The following ACTR3B variants were observed in gnomAD, a reference collection of about 807,000 sequenced individuals.
ACTR3B encodes the protein actin-related protein 3B.
A neutral mutation model predicts 59.0 loss-of-function variants in ACTR3B; 8 were observed. The ratio of observed to expected loss-of-function variants is 0.14; its 90% CI spans 0.08 to 0.24. ACTR3B has a LOEUF of 0.24. Ranked by LOEUF, ACTR3B falls within the 10% of genes least tolerant of loss-of-function variation. The pLI, the probability that ACTR3B is intolerant of heterozygous loss-of-function variation, is 1.00. For synonymous variants in ACTR3B, 148 were observed against 197.9 expected (o/e 0.75, Z 2.12); for missense variants, 245 against 552.3 (o/e 0.44, Z 5.58).
chr7:152,811,919 C>T (rs1303139136), intron 4 of ACTR3B: 1 of 137,210 alleles, frequency 7.3e-6, no homozygotes, highest in Non-Finnish European at 1.6e-5. Flanking sequence ...TCTTTACACT[C>T]TCTCCTTCTT....
At chr7:152,793,107 G>A (rs1255977107) in intron 2 of ACTR3B, among the ~76,000 whole-genome samples, 1 of 86,726 alleles carries the variant, frequency 1.2e-5, no homozygotes, top group African/African-American at 4.5e-5. Flanking sequence ...GTTTTGTTTT[G>A]TTTCGGGTTA....
intron 9 of ACTR3B, among the ~76,000 whole-genome samples, chr7:152,837,811 T>A (rs1797588192): frequency 6.6e-6 from 1 of 152,124 alleles, no homozygotes. Context: ...TGTGGTTTGC[T>A]CTCTAATTTA....
intron 1 of ACTR3B, among the ~76,000 whole-genome samples, chr7:152,767,290 T>C (rs907766336): frequency 6.6e-6 from 1 of 152,198 alleles, no homozygotes; most frequent in African/African-American, 2.4e-5. Flanking sequence ...TATCATATGC[T>C]GCATTTGTCT....
intron 9 of ACTR3B, among the ~76,000 whole-genome samples, chr7:152,832,768 A>G (rs1368929716): frequency 6.6e-6 from 1 of 152,184 alleles, no homozygotes; most frequent in Non-Finnish European, 1.5e-5. Flanking sequence ...ACTCAGGCAG[A>G]ATTCCTTCTC....
In ACTR3B at chr7:152,797,143, A is replaced by C. The variant is rs545629705; in HGVS notation, c.101-3388A>C. Among the ~76,000 whole-genome samples the C allele has an allele frequency of 2.6e-5, 4 of 152,236 alleles. No homozygotes were observed. In the South Asian group the frequency reaches 8.3e-4, roughly 32 times the overall value. The stretch of plus-strand genomic sequence containing the variant: ...GGTCTCACTCTGTTGCACAGGCTGG[A>C]GTGCAGTGGGGCTATCATAGCTCAT... On this transcript the variant is annotated intron_variant, in intron 2 of 11. Coordinates refer to ENST00000256001, the MANE Select transcript of ACTR3B (RefSeq NM_020445.6).
chr7:152,827,699 C>T (rs866056688), intron 9 of ACTR3B, among the ~76,000 whole-genome samples: 1,948 of 150,964 alleles, frequency 0.013, 13 homozygotes, highest in African/African-American at 0.031. Context: ...CGGGCCGTCA[C>T]GTGGGCCAGC....
chr7:152,776,729 C>G (rs902549453), intron 1 of ACTR3B, among the ~76,000 whole-genome samples: 9 of 152,370 alleles, frequency 5.9e-5, no homozygotes, highest in African/African-American at 1.9e-4. Flanking sequence ...GATGAAGAAA[C>G]CAAGGAATGA....
At chr7:152,819,928 A>C (rs571819588) in intron 6 of ACTR3B, among the ~76,000 whole-genome samples, 47 of 152,330 alleles carry the variant, frequency 3.1e-4, no homozygotes, top group African/African-American at 1.1e-3. Context: ...ACAATTTATA[A>C]ATAAAACTTT....
At chr7:152,845,903 T>C (rs1411068047) in intron 9 of ACTR3B, among the ~76,000 whole-genome samples, 1 of 152,266 alleles carries the variant, frequency 6.6e-6, no homozygotes, top group Non-Finnish European at 1.5e-5. Context: ...TTTATTTATT[T>C]ATTTTTAGTG....
chr7:152,795,843 C>CG (rs1563101211), intron 2 of ACTR3B, among the ~76,000 whole-genome samples: 2 of 139,350 alleles, frequency 1.4e-5, no homozygotes. Flanking sequence ...CTTAGTAGCT[C>CG]TTGTTTTTTT....
intron 5 of ACTR3B, among the ~76,000 whole-genome samples, chr7:152,814,913 T>C (rs947362360): frequency 5.3e-4 from 80 of 152,304 alleles, no homozygotes; most frequent in African/African-American, 4.3e-4. Context: ...TGACAAGATA[T>C]AGGTGTAGAT....
At chr7:152,796,151 G>T (rs1476889885) in intron 2 of ACTR3B, among the ~76,000 whole-genome samples, 1 of 152,094 alleles carries the variant, frequency 6.6e-6, no homozygotes, top group Non-Finnish European at 1.5e-5. Flanking sequence ...GGCCTTAGCA[G>T]CTCTTTCTAA....
At chr7:152,762,305 G>C (rs2098091993) in intron 1 of ACTR3B, among the ~76,000 whole-genome samples, 2 of 152,078 alleles carry the variant, frequency 1.3e-5, no homozygotes, top group Non-Finnish European at 2.9e-5. Flanking sequence ...TCACAACTCC[G>C]GTCTCACTTC....
At chr7:152,843,368 T>C (rs1322766679) in intron 9 of ACTR3B, among the ~76,000 whole-genome samples, 6 of 152,276 alleles carry the variant, frequency 3.9e-5, no homozygotes, top group Non-Finnish European at 7.3e-5. Context: ...GTATATGAAA[T>C]GAGAAAGTAA....
intron 9 of ACTR3B, among the ~76,000 whole-genome samples, chr7:152,851,251 T>C (rs2117018121): frequency 6.6e-6 from 1 of 152,342 alleles, no homozygotes; most frequent in Non-Finnish European, 1.5e-5. Flanking sequence ...AAATGTGGTC[T>C]CTCTCTGTCT....
intron 2 of ACTR3B, among the ~76,000 whole-genome samples, chr7:152,787,823 AT>A (rs972820307): frequency 2.7e-5 from 4 of 149,788 alleles, no homozygotes; most frequent in Non-Finnish European, 5.9e-5. Flanking sequence ...ATTCCTACTC[AT>A]TTTTTTTCTC....
chr7:152,773,762 T>A (rs1414006219), intron 1 of ACTR3B, among the ~76,000 whole-genome samples: 1 of 152,224 alleles, frequency 6.6e-6, no homozygotes, highest in East Asian at 1.9e-4. Flanking sequence ...ACCCTGCCAG[T>A]TAACTGTGGG....
intron 4 of ACTR3B, chr7:152,812,734 A>G (rs1795368345): frequency 6.7e-6 from 1 of 150,092 alleles, no homozygotes; most frequent in South Asian, 2.2e-4. Flanking sequence ...CTTCCCTTGA[A>G]GACTCTAAGT....
chr7:152,847,534 C>A (rs766206785), intron 9 of ACTR3B, among the ~76,000 whole-genome samples: 57 of 152,240 alleles, frequency 3.7e-4, no homozygotes, highest in Admixed American at 1.1e-3. Flanking sequence ...CCCCTGCCCC[C>A]TCCTGCCTGC....
Sources: gnomAD v4.1 joint callset for allele counts (sites outside exome capture counted in the v4.1 genomes callset) on GRCh38, gnomAD v4.1.1 for gene constraint, MANE v1.5 for transcripts, NCBI Gene and HGNC (gene_info 2026-07-23, HGNC 2026-07-21) for gene names.